PRRC2B: variants seen among roughly 807,000 people sequenced by gnomAD.
The protein encoded by PRRC2B is protein PRRC2B.
In PRRC2B, 68 loss-of-function variants were observed where a neutral mutation model predicts 242.3. That is an observed-to-expected ratio of 0.28 (90% confidence interval 0.23 to 0.34). The LOEUF (loss-of-function observed/expected upper bound fraction) is 0.34. Among genes scored for constraint, PRRC2B ranks in the 10% least tolerant of loss-of-function variants. The pLI, the probability that PRRC2B is intolerant of heterozygous loss-of-function variation, is 1.00. For synonymous variants in PRRC2B, 1,228 were observed against 1,173.6 expected (o/e 1.05, Z -0.95); for missense variants, 2,835 against 2,954.8 (o/e 0.96, Z 0.94).
chr9:131,470,542 C>T (rs571609026), intron 13 of PRRC2B, among the ~76,000 whole-genome samples: 43 of 152,232 alleles, frequency 2.8e-4, no homozygotes, highest in African/African-American at 1.0e-3. Flanking sequence ...GTAGCACAGG[C>T]ACAGATGAGC....
rs183958823 is a variant in PRRC2B, at chr9:131,473,742, C to G, written c.2324+18C>G. The G allele has an allele frequency of 9.4e-6, 15 of 1,599,282 alleles. No individual in the cohort carries two copies. The highest frequency in any genetic ancestry group is 2.7e-5 in the African/African-American group (2 of 74,586). On this transcript the variant is annotated intron_variant, in intron 15 of 31. Transcript: ENST00000683519. ...CGTGTCAGGTGAGATGAAGCCTGGT[C>G]CTGCTGCCTTGCCACTGAAGGAGGA... is the stretch of plus-strand genomic sequence containing the variant.
chr9:131,376,108 G>A (rs1364692172), intron 1 of PRRC2B, among the ~76,000 whole-genome samples: 1 of 151,138 alleles, frequency 6.6e-6, no homozygotes, highest in Non-Finnish European at 1.5e-5. Context: ...CAGCACTTTG[G>A]AAGGCTGAGG....
chr9:131,444,832 A>G (rs183012036), intron 6 of PRRC2B, among the ~76,000 whole-genome samples: 245 of 152,182 alleles, frequency 1.6e-3, no homozygotes, highest in African/African-American at 5.4e-3. Flanking sequence ...CCCTCATCTT[A>G]GGTCGGGCCA....
chr9:131,450,510 C>A (rs1424540310), intron 9 of PRRC2B, among the ~76,000 whole-genome samples: 1 of 150,470 alleles, frequency 6.6e-6, no homozygotes, highest in Non-Finnish European at 1.5e-5. Context: ...TGTGATCTGC[C>A]CACCTCAGCA....
At chr9:131,423,528 C>T (rs1837900931) in intron 1 of PRRC2B, among the ~76,000 whole-genome samples, 1 of 152,202 alleles carries the variant, frequency 6.6e-6, no homozygotes, top group Non-Finnish European at 1.5e-5. Flanking sequence ...TCGCACTCAG[C>T]CGGTCAGTGG....
At chr9:131,402,944 CCGGCGT>C (rs1447032856) in intron 1 of PRRC2B, among the ~76,000 whole-genome samples, 4 of 152,186 alleles carry the variant, frequency 2.6e-5, no homozygotes, top group African/African-American at 9.6e-5. Context: ...CTCCGGGAAG[CCGGCGT>C]CAACTTCCCG....
intron 1 of PRRC2B, among the ~76,000 whole-genome samples, chr9:131,394,814 T>G (rs1225646909): frequency 6.6e-6 from 1 of 151,580 alleles, no homozygotes; most frequent in Admixed American, 6.6e-5. Context: ...GGCGCTAAAG[T>G]TGGCGGCTGG....
At chr9:131,392,917 CAA>C (rs11317627), upstream of PRRC2B, among the ~76,000 whole-genome samples, 17 of 91,878 alleles carry the variant, frequency 1.9e-4, no homozygotes, top group Non-Finnish European at 2.3e-4. Context: ...GAGACTGTCT[CAA>C]AAAAAAAAAA....
intron 1 of PRRC2B, among the ~76,000 whole-genome samples, chr9:131,386,305 G>C (rs1387845371): frequency 6.7e-6 from 1 of 150,020 alleles, no homozygotes; most frequent in Non-Finnish European, 1.5e-5. Context: ...GTGGAGATGG[G>C]GCATCTCACT....
At position 131,481,723 on chromosome 9, in the gene PRRC2B, C is replaced by A. The variant is rs749942050; in HGVS notation, c.4901-3C>A. On this transcript the variant is annotated splice_polypyrimidine_tract_variant and splice_region_variant and intron_variant, in intron 19 of 31. Transcript: ENST00000683519. ...CCCTGACTCTGTCTTCCTCCCCTGG[C>A]AGCTCTCCCTGTGCAGGCCCCAGCC... The A allele has an allele frequency of 7.1e-6, 11 of 1,559,054 alleles. No homozygotes were observed. In the South Asian group the frequency reaches 1.3e-4, roughly 18 times the overall value.
intron 10 of PRRC2B, among the ~76,000 whole-genome samples, chr9:131,456,813 T>C (rs1411125494): frequency 6.6e-6 from 1 of 152,168 alleles, no homozygotes; most frequent in East Asian, 1.9e-4. Context: ...CTCAAAAAAT[T>C]AATAATAACA....
chr9:131,422,279 T>G (rs1837864698), intron 1 of PRRC2B, among the ~76,000 whole-genome samples: 1 of 152,130 alleles, frequency 6.6e-6, no homozygotes, highest in African/African-American at 2.4e-5. Flanking sequence ...GGTCTCGATC[T>G]CTTGACCTTG....
rs373768165 is a variant in PRRC2B, at chr9:131,444,362, G to C, written c.613+34G>C. 408 of 1,598,408 alleles carry C rather than the reference G, an allele frequency of 2.6e-4. 2 individuals carry two copies. In the African/African-American group the frequency reaches 4.4e-3, roughly 17 times the overall value. On this transcript the variant is annotated intron_variant, in intron 6 of 31. Transcript: ENST00000683519. ...CTGCAGCCTCTGGGCACTCGATGGA[G>C]TAACAGAACTTCCTCCTCTCATCTC...
intron 1 of PRRC2B, among the ~76,000 whole-genome samples, chr9:131,381,359 A>G (rs1167642868): frequency 6.7e-6 from 1 of 149,180 alleles, no homozygotes; most frequent in Non-Finnish European, 1.5e-5. Flanking sequence ...CTCAAACCCA[A>G]CCCTTCAATA....
chr9:131,475,443 G>C lies in PRRC2B; in HGVS notation c.3314G>C (p.Arg1105Pro). ...GARSIYCSSQRSGRGRGLREF... is the reference protein window; with the variant it reads ...GARSIYCSSQPSGRGRGLREF... ...CGCAGCATCTACTGCAGCAGTCAGC[G>C]CAGCGGCCGTGGCCGGGGCCTGCGA... is the stretch of plus-strand genomic sequence containing the variant. Residue 1105 changes from arginine (R) to proline (P), a missense_variant, in exon 16 of 32, where the codon CGC (arginine) becomes CCC (proline). Transcript: ENST00000683519. The C allele has an allele frequency of 6.3e-7, 1 of 1,581,678 alleles. No individual in the cohort carries two copies. Among genetic ancestry groups the C allele is most frequent in the Non-Finnish European group, 8.6e-7 (1 of 1,163,650 alleles).
rs555102669 is a variant in PRRC2B, at chr9:131,475,828, C to G, written c.3699C>G (p.Gly1233=). ...ESPHWQSKSP[G]SSWQEYGPSD... is the part of the protein sequence containing the mutation. Reference sequence around the variant, plus strand: ...CCCACTGGCAGAGCAAAAGTCCAGGCAGCTCTTGGCAGGAATATGGCCCTT... The same window carrying G: ...CCCACTGGCAGAGCAAAAGTCCAGGGAGCTCTTGGCAGGAATATGGCCCTT... Residue 1233 remains glycine, a synonymous_variant, in exon 16 of 32, where the codon GGC becomes GGG. Coordinates refer to ENST00000683519, the MANE Select transcript of PRRC2B (RefSeq NM_013318.4). 1 of 1,612,762 alleles carries G rather than the reference C, an allele frequency of 6.2e-7. No individual in the cohort carries two copies. The highest frequency in any genetic ancestry group is 8.5e-7 in the Non-Finnish European group (1 of 1,178,910).
Position 131,495,959 on chromosome 9 carries a change from C to A in PRRC2B, c.*85C>A. 6.5e-7 allele frequency: 1 copy of A among 1,544,034 alleles called. No individual in the cohort carries two copies. Among genetic ancestry groups the A allele is most frequent in the Non-Finnish European group, 8.8e-7 (1 of 1,138,532 alleles). On this transcript the variant is annotated 3_prime_UTR_variant, in exon 32 of 32. Transcript: ENST00000683519. Reference sequence around the variant, plus strand: ...ACACAGCCGACACTCGGGAGCCTCACCAGATCCACCGTCCAAATGCGTGGC... The same window carrying A: ...ACACAGCCGACACTCGGGAGCCTCAACAGATCCACCGTCCAAATGCGTGGC...
chr9:131,444,190 A>T lies in PRRC2B; in HGVS notation c.475A>T (p.Arg159Trp). 6.2e-7 allele frequency: 1 copy of T among 1,613,962 alleles called. No homozygotes were observed. Among genetic ancestry groups the T allele is most frequent in the Non-Finnish European group, 8.5e-7 (1 of 1,179,860 alleles). ...CTACCCCGTCTTCTTGACAGGTTTA[A>T]GGGGCTCAAGCCGACTGTTATCCTT... is the stretch of plus-strand genomic sequence containing the variant. ...GKPVGHEGGL[R>W]GSSRLLSFSP... The change falls in exon 6 of 32, where the codon AGG becomes TGG. Residue 159 changes from arginine (R) to tryptophan (W), a missense_variant. Transcript: ENST00000683519.
At chr9:131,481,250 G>T (rs906447986) in intron 19 of PRRC2B, among the ~76,000 whole-genome samples, 1 of 136,670 alleles carries the variant, frequency 7.3e-6, no homozygotes, top group Non-Finnish European at 1.5e-5. Flanking sequence ...GCAGAGCTTG[G>T]CAGTGAGTGG....
Sources: gnomAD v4.1 joint callset for allele counts (sites outside exome capture counted in the v4.1 genomes callset) on GRCh38, gnomAD v4.1.1 for gene constraint, MANE v1.5 for transcripts, NCBI Gene and HGNC (gene_info 2026-07-23, HGNC 2026-07-21) for gene names.